The following TOP2B variants were observed in gnomAD, a reference collection of about 807,000 sequenced individuals.
TOP2B encodes DNA topoisomerase 2-beta.
A neutral mutation model predicts 193.5 loss-of-function variants in TOP2B; 51 were observed. The ratio of observed to expected loss-of-function variants is 0.26; its 90% CI spans 0.21 to 0.33. The LOEUF is 0.33. Among genes scored for constraint, TOP2B ranks in the 10% least tolerant of loss-of-function variants. TOP2B has a pLI of 1.00. For missense variants in TOP2B, 1,378 were observed against 1,909.3 expected (o/e 0.72, Z 5.19); for synonymous variants, 634 against 635.7 (o/e 1.00, Z 0.04).
At chr3:25,642,084 G>A (rs1169538709) in intron 4 of TOP2B, among the ~76,000 whole-genome samples, 14 of 152,124 alleles carry the variant, frequency 9.2e-5, no homozygotes, top group Admixed American at 9.2e-4. Flanking sequence ...GATTACCCTA[G>A]CAGCTGAAAT....
chr3:25,649,511 T>A (rs1451174691), intron 1 of TOP2B, among the ~76,000 whole-genome samples: 1 of 150,982 alleles, frequency 6.6e-6, no homozygotes, highest in Non-Finnish European at 1.5e-5. Context: ...AAGTGAATCA[T>A]CAATTACAAA....
At chr3:25,660,475 A>C (rs1703877186) in intron 1 of TOP2B, among the ~76,000 whole-genome samples, 1 of 152,248 alleles carries the variant, frequency 6.6e-6, no homozygotes, top group African/African-American at 2.4e-5. Context: ...CTGGAAAATA[A>C]TAATGTGACA....
chr3:25,638,075 C>A, intron 5 of TOP2B, 90 bp downstream of exon 5: 1 of 1,184,054 alleles, frequency 8.4e-7, no homozygotes, highest in Non-Finnish European at 1.2e-6. Flanking sequence ...ATGATTTTCT[C>A]ACACCAAAAC....
Position 25,610,019 on chromosome 3 carries a change from T to C in TOP2B, c.3787-307A>G, listed in dbSNP as rs188326486. Among the ~76,000 whole-genome samples, 69 of 151,212 alleles carry C rather than the reference T, an allele frequency of 4.6e-4. No homozygotes were observed. The East Asian group carries it at 0.011, about 24-fold the overall frequency. The stretch of plus-strand genomic sequence containing the variant: ...GATTTCCAGACCACTAGCTAAAAGG[T>C]ACCTGCAAAATAAGTTTCTATAGCT... On this transcript the variant is annotated intron_variant, in intron 28 of 35. Coordinates refer to ENST00000264331, the MANE Select transcript of TOP2B (RefSeq NM_001330700.2).
intron 21 of TOP2B, among the ~76,000 whole-genome samples, chr3:25,621,137 CAT>C (rs1330215660): frequency 6.6e-6 from 1 of 152,192 alleles, no homozygotes; most frequent in African/African-American, 2.4e-5. Context: ...GAAAGCATTT[CAT>C]AGTCTGGACC....
At chr3:25,597,933 GGTGT>G (rs1482582467), downstream of TOP2B, 1 of 155,700 alleles carries the variant, frequency 6.4e-6, no homozygotes, top group Non-Finnish European at 1.4e-5. Flanking sequence ...TTATTTTAAA[GGTGT>G]GTGGGAGCTT....
intron 1 of TOP2B, among the ~76,000 whole-genome samples, chr3:25,649,466 T>C (rs980787063): frequency 1.3e-5 from 2 of 151,774 alleles, no homozygotes; most frequent in Non-Finnish European, 2.9e-5. Context: ...TCAAAAGTCA[T>C]AGACAAAGAG....
chr3:25,626,971 T>C, intron 16 of TOP2B, 107 bp from the exon 17 acceptor site: 1 of 755,210 alleles, frequency 1.3e-6, no homozygotes, highest in Non-Finnish European at 2.1e-6. Context: ...TCTGGAAAAT[T>C]AGGTTATTTT....
rs1702193627 is a variant in TOP2B, at chr3:25,604,749, T to C, written c.4489+11A>G. 1.3e-6 allele frequency: 2 copies of C among 1,582,904 alleles called. No individual in the cohort carries two copies. Among genetic ancestry groups the C allele is most frequent in the East Asian group, 2.2e-5 (1 of 44,516 alleles). ...ATCCAATGCTTAACTCAATCAAATATAAGTACATACCCTTTTTAGCAGCTA... is the reference window on the plus strand; with the variant it reads ...ATCCAATGCTTAACTCAATCAAATACAAGTACATACCCTTTTTAGCAGCTA... On this transcript the variant is annotated intron_variant, in intron 33 of 35. Transcript: ENST00000264331.
At chr3:25,606,280 ACT>A (rs1363377466) in intron 31 of TOP2B, among the ~76,000 whole-genome samples, 158 bp from the exon 32 acceptor site, 1 of 151,880 alleles carries the variant, frequency 6.6e-6, no homozygotes, top group African/African-American at 2.4e-5. Context: ...GGGTAATAAA[ACT>A]CTTTCTCTCT....
Position 25,630,170 on chromosome 3 carries a change from A to T in TOP2B, c.1564-16T>A. 6.5e-7 allele frequency: 1 copy of T among 1,536,456 alleles called. No homozygotes were observed. Among genetic ancestry groups the T allele is most frequent in the Non-Finnish European group, 8.7e-7 (1 of 1,143,252 alleles). ...TTTCCATGATCTGTTCAAAAAGGAA[A>T]AGCACTGAGAGTAGTTTGAAGTGTT... On this transcript the variant is annotated splice_polypyrimidine_tract_variant and intron_variant, in intron 12 of 35. Transcript: ENST00000264331.
chr3:25,643,872 T>C lies in TOP2B; in HGVS notation c.241-88A>G. ...ATAATCCACATCCTGTCATTTACACTATATGAATACTTAGATCTGCAAAGT... is the reference window on the plus strand; with the variant it reads ...ATAATCCACATCCTGTCATTTACACCATATGAATACTTAGATCTGCAAAGT... On this transcript the variant is annotated intron_variant, in intron 2 of 35. Coordinates refer to ENST00000264331, the MANE Select transcript of TOP2B (RefSeq NM_001330700.2). 3 of 910,030 alleles carry C rather than the reference T, an allele frequency of 3.3e-6. No individual in the cohort carries two copies. In the South Asian group the frequency reaches 4.5e-5, roughly 14 times the overall value. The allele number at this position is 910,030 out of a possible 1,614,324, so 56.4% of individuals were successfully genotyped here.
In TOP2B at chr3:25,615,512, A is replaced by G. The variant is rs746709078; in HGVS notation, c.3426T>C (p.Asp1142=). ...SSDSGTPSGP[D]FNYILNMSLW... ...GAGACATATTTAAAATATAATTAAA[A>G]TCTGGGCCTGAAGGAGTTCCTGAAT... The change falls in exon 26 of 36, where the codon GAT becomes GAC. Residue 1142 remains aspartate (D), a synonymous_variant. Transcript: ENST00000264331. The G allele has an allele frequency of 3.8e-6, 6 of 1,577,782 alleles. No individual in the cohort carries two copies. In the Admixed American group the frequency reaches 1.1e-4, roughly 28 times the overall value.
chr3:25,637,443 T>G (rs370938922), intron 5 of TOP2B, 131 bp from the exon 6 acceptor site: 2 of 617,438 alleles, frequency 3.2e-6, no homozygotes, highest in Non-Finnish European at 5.7e-6. Flanking sequence ...AATTGAAGAT[T>G]CCAGAGTATA....
Position 25,598,207 on chromosome 3 carries a change from C to A in TOP2B, c.*100G>T. ...AATAATAAAAAACCGTCAATTACAT[C>A]ATCACATTAAAATAAGCCAGATGTA... On this transcript the variant is annotated 3_prime_UTR_variant, in exon 36 of 36. Transcript: ENST00000264331. The A allele has an allele frequency of 8.0e-7, 1 of 1,256,452 alleles. No homozygotes were observed. The highest frequency in any genetic ancestry group is 1.1e-6 in the Non-Finnish European group (1 of 912,134). 77.8% of individuals were successfully genotyped at this position (1,256,452 alleles called of 1,614,324 possible).
chr3:25,612,826 T>C (rs1389761528), intron 27 of TOP2B, 117 bp from the exon 28 acceptor site: 12 of 699,526 alleles, frequency 1.7e-5, no homozygotes, highest in Non-Finnish European at 2.7e-5. Context: ...AGCTTTCCTT[T>C]TAACTTATCT....
Position 25,606,117 on chromosome 3 carries a change from G to T in TOP2B, c.4304C>A (p.Ser1435Tyr), listed in dbSNP as rs1317130367. 1.4e-6 allele frequency: 2 copies of T among 1,471,292 alleles called. No individual in the cohort carries two copies. The highest frequency in any genetic ancestry group is 1.4e-5 in the African/African-American group (1 of 70,946). The allele number at this position is 1,471,292 out of a possible 1,614,324, so 91.1% of individuals were successfully genotyped here. ...ATCCTGACTTTTTTTGTCATGCAAAGATTTTCTATTAGAAAGAAAATAAAC... is the reference window on the plus strand; with the variant it reads ...ATCCTGACTTTTTTTGTCATGCAAATATTTTCTATTAGAAAGAAAATAAAC... ...PGKSKATPEK[S>Y]LHDKKSQDFG... The change falls in exon 32 of 36, where the codon TCT (serine) becomes TAT (tyrosine). Residue 1435 changes from serine to tyrosine, a missense_variant. Ser to Tyr is a moderately radical substitution (Grantham distance 144, BLOSUM62 -2). This residue lies in a region of TOP2B where 556 missense variants were observed against 584.2 expected (regional missense o/e 0.95). Transcript: ENST00000264331.
intron 2 of TOP2B, among the ~76,000 whole-genome samples, chr3:25,644,349 G>C (rs1703351302): frequency 6.6e-6 from 1 of 152,160 alleles, no homozygotes; most frequent in Non-Finnish European, 1.5e-5. Context: ...ACAATAGTCA[G>C]TGTATATGTA....
intron 21 of TOP2B, 137 bp from the exon 22 acceptor site, chr3:25,620,953 A>G: frequency 2.2e-6 from 2 of 898,462 alleles, no homozygotes; most frequent in Non-Finnish European, 1.7e-6. Flanking sequence ...CTGATCAATT[A>G]AGCTTGAATT....
Sources: gnomAD v4.1 joint callset for allele counts (sites outside exome capture counted in the v4.1 genomes callset) on GRCh38, gnomAD v4.1.1 for gene constraint, gnomAD v4.1.1 regional missense constraint, MANE v1.5 for transcripts, NCBI Gene and HGNC (gene_info 2026-07-23, HGNC 2026-07-21) for gene names.